The following SCGB3A1 variants were observed in gnomAD, a reference collection of about 807,000 sequenced individuals.
SCGB3A1 encodes the protein cytokine HIN-1.
In SCGB3A1, 7 loss-of-function variants were observed where a neutral mutation model predicts 7.6. The ratio of observed to expected loss-of-function variants is 0.93; its 90% CI spans 0.53 to 1.74. SCGB3A1 has a LOEUF of 1.74. Ranked by LOEUF, SCGB3A1 falls within the 40% of genes most tolerant of loss-of-function variation. The probability of loss-of-function intolerance (pLI) is 0.00; values close to 1 mark genes in which losing one functional copy is unlikely to be tolerated. For synonymous variants in SCGB3A1, 67 were observed against 66.6 expected (o/e 1.01, Z -0.03); for missense variants, 119 against 129.0 (o/e 0.92, Z 0.38).
intron 2 of SCGB3A1, 110 bp downstream of exon 2, chr5:180,590,490 G>A (rs115209163): frequency 1.0e-6 from 1 of 989,010 alleles, no homozygotes; most frequent in Non-Finnish European, 1.5e-6. Context: ...GCTTGGAGGG[G>A]CAGGACGGGA....
At chr5:180,591,218 C>G (rs1581589005) in intron 1 of SCGB3A1, 193 bp downstream of exon 1, 1 of 420,504 alleles carries the variant, frequency 2.4e-6, no homozygotes, top group Non-Finnish European at 4.0e-6. Context: ...CATCCCGGCA[C>G]GAGGCTGGAG....
In SCGB3A1 at chr5:180,590,654, C is replaced by G. The variant is rs776819766; in HGVS notation, c.237G>C (p.Val79=). The G allele has an allele frequency of 1.3e-6, 2 of 1,598,870 alleles. No individual in the cohort carries two copies. The highest frequency in any genetic ancestry group is 2.3e-5 in the East Asian group (1 of 43,926). Residue 79 remains valine (V), a synonymous_variant, in exon 2 of 3, where the codon GTG becomes GTC. Transcript: ENST00000292641. The part of the protein sequence containing the change: ...NHLIEGSQKC[V]AELGPQAVGA... The stretch of plus-strand genomic sequence containing the variant: ...CCACGGCCTGGGGACCCAGCTCAGC[C>G]ACACACTTCTGGGAGCCCTCTATGA...
intron 1 of SCGB3A1, chr5:180,591,181 G>C (rs1761308700): frequency 2.4e-6 from 1 of 408,342 alleles, no homozygotes; most frequent in East Asian, 3.8e-5. Context: ...GGGGGCAGAC[G>C]GGTGTCCCCA....
intron 1 of SCGB3A1, 149 bp downstream of exon 1, chr5:180,591,262 G>A (rs1561677505): frequency 8.6e-6 from 5 of 579,494 alleles, no homozygotes; most frequent in Non-Finnish European, 1.3e-5. Flanking sequence ...CGGGCTGCAG[G>A]CGCGGGGCCC....
chr5:180,590,371 C>T (rs1446017937), intron 2 of SCGB3A1, 117 bp from the exon 3 acceptor site: 11 of 1,376,788 alleles, frequency 8.0e-6, no homozygotes, highest in South Asian at 1.3e-5. Context: ...GCTGGCGTCT[C>T]CGGGGGACGC....
In SCGB3A1 at chr5:180,590,994, C is replaced by A. The variant is rs530717590; in HGVS notation, c.53-156G>T. On this transcript the variant is annotated intron_variant, in intron 1 of 2. Coordinates refer to ENST00000292641, the MANE Select transcript of SCGB3A1 (RefSeq NM_052863.3). ...TGCGCCGAGGCCTGCCAGGTGCGAG[C>A]CCCCGGGACACAGGCGGGTCTGGGG... 4 of 574,324 alleles carry A rather than the reference C, an allele frequency of 7.0e-6. No individual in the cohort carries two copies. In the East Asian group the frequency reaches 9.9e-5, roughly 14 times the overall value. The allele number at this position is 574,324 out of a possible 1,614,324, so 35.6% of individuals were successfully genotyped here. A position where few individuals can be genotyped will look rare whatever the true frequency, so the allele number is the denominator to read the frequency against.
Position 180,590,329 on chromosome 5 carries a change from G to A in SCGB3A1, c.292-75C>T. The A allele has an allele frequency of 2.6e-6, 4 of 1,534,356 alleles. 1 individual carries two copies. Among genetic ancestry groups the A allele is most frequent in the South Asian group, 2.4e-5 (2 of 83,746 alleles). ...CTCAGGCGGGGGCGCGGCAGCGGCCGGCTCTGTGGGGAGCGGGAGCGGGGC... is the reference window on the plus strand; with the variant it reads ...CTCAGGCGGGGGCGCGGCAGCGGCCAGCTCTGTGGGGAGCGGGAGCGGGGC... On this transcript the variant is annotated intron_variant, in intron 2 of 2. Coordinates refer to ENST00000292641, the MANE Select transcript of SCGB3A1 (RefSeq NM_052863.3).
intron 1 of SCGB3A1, 103 bp from the exon 2 acceptor site, chr5:180,590,941 G>A (rs571314529): frequency 3.7e-6 from 3 of 817,590 alleles, no homozygotes; most frequent in African/African-American, 1.8e-5. Flanking sequence ...GTCGCGCCCT[G>A]CCCGGCTCCC....
At chr5:180,591,175 GCAGACGGGTGTCCC>G (rs1761308569) in intron 1 of SCGB3A1, 1 of 408,558 alleles carries the variant, frequency 2.4e-6, no homozygotes, top group Admixed American at 4.5e-5. Flanking sequence ...CAGACGGGGG[GCAGACGGGTGTCCC>G]CAGGCCAGGG....
intron 2 of SCGB3A1, 113 bp from the exon 3 acceptor site, chr5:180,590,367 G>T (rs1166387958): frequency 1.4e-6 from 2 of 1,392,078 alleles, no homozygotes; most frequent in African/African-American, 2.9e-5. Flanking sequence ...TTCCGCTGGC[G>T]TCTCCGGGGG....
chr5:180,590,486 A>G, intron 2 of SCGB3A1, 114 bp downstream of exon 2: 1 of 971,030 alleles, frequency 1.0e-6, no homozygotes, highest in Non-Finnish European at 1.5e-6. Context: ...CAGGGCTTGG[A>G]GGGGCAGGAC....
At chr5:180,590,374 G>C in intron 2 of SCGB3A1, 120 bp from the exon 3 acceptor site, 1 of 1,360,412 alleles carries the variant, frequency 7.4e-7, no homozygotes, top group Non-Finnish European at 1.0e-6. Context: ...GGCGTCTCCG[G>C]GGGACGCGCA....
chr5:180,590,209 G>C lies in SCGB3A1; in HGVS notation c.*22C>G, dbSNP rs758409757. 2 of 1,579,832 alleles carry C rather than the reference G, an allele frequency of 1.3e-6. No individual in the cohort carries two copies. Among genetic ancestry groups the C allele is most frequent in the Non-Finnish European group, 1.7e-6 (2 of 1,162,864 alleles). ...CGGGTGGGCAGCGTCTTGTCCTCAG[G>C]TGTAGATGCTCCAGTCTCGGCTCAG... On this transcript the variant is annotated 3_prime_UTR_variant, in exon 3 of 3. Transcript: ENST00000292641.
chr5:180,590,811 T>C lies in SCGB3A1; in HGVS notation c.80A>G (p.Lys27Arg). ...SAAAFLVGSA[K>R]PVAQPVAALE... ...CGCAGCGACAGGCTGGGCCACAGGC[T>C]TGGCCGAGCCCACTAAGAAAGCAGC... Residue 27 changes from lysine (K) to arginine (R), a missense_variant, in exon 2 of 3, where the codon AAG becomes AGG. Transcript: ENST00000292641. The C allele has an allele frequency of 6.2e-7, 1 of 1,602,894 alleles. No homozygotes were observed. The highest frequency in any genetic ancestry group is 8.5e-7 in the Non-Finnish European group (1 of 1,175,140).
chr5:180,590,875 CG>C, intron 1 of SCGB3A1, 37 bp from the exon 2 acceptor site: 1 of 1,529,786 alleles, frequency 6.5e-7, no homozygotes, highest in Non-Finnish European at 8.9e-7. Context: ...GCCTGCGCGC[CG>C]GGGTCCCCAG....
chr5:180,591,269 GC>G, intron 1 of SCGB3A1, 141 bp downstream of exon 1: 2 of 639,988 alleles, frequency 3.1e-6, no homozygotes. Flanking sequence ...CAGGCGCGGG[GC>G]CCCGGGGTGG....
In SCGB3A1 at chr5:180,590,584, G is replaced by A. The variant is rs1326757228; in HGVS notation, c.291+16C>T. ...GGATGCCCGCGCAGGAAGGGCACCC[G>A]GGGTGCCCACTTTACCAGCAGGGCC... On this transcript the variant is annotated intron_variant, in intron 2 of 2. Transcript: ENST00000292641. 3.2e-6 allele frequency: 5 copies of A among 1,574,436 alleles called. No individual in the cohort carries two copies. The highest frequency in any genetic ancestry group is 1.7e-5 in the Admixed American group (1 of 57,904).
In SCGB3A1 at chr5:180,590,281, GC is replaced by G; in HGVS notation, c.292-28del. ...TGGAAAGCAGAAGCCGAGCTTGAGT[GC>G]CCCCAGCCCTGCCACCAAGAACTCA... On this transcript the variant is annotated intron_variant, in intron 2 of 2. Transcript: ENST00000292641. 2.5e-6 allele frequency: 4 copies of G among 1,568,810 alleles called. No individual in the cohort carries two copies. In the South Asian group the frequency reaches 4.7e-5, roughly 18 times the overall value.
At chr5:180,591,364 C>A in intron 1 of SCGB3A1, 47 bp downstream of exon 1, 1 of 1,201,568 alleles carries the variant, frequency 8.3e-7, no homozygotes, top group Admixed American at 4.3e-5. Flanking sequence ...CAGCGGGCGC[C>A]GAGGCCTCAG....
Sources: allele counts gnomAD v4.1 joint callset, GRCh38; gene constraint gnomAD v4.1.1; transcripts MANE v1.5; gene names NCBI Gene and HGNC (gene_info 2026-07-23, HGNC 2026-07-21).